CNTN4: variants seen among roughly 807,000 people sequenced by gnomAD.
CNTN4 encodes the protein contactin 4, also known as contactin-4.
CNTN4 carries 77 observed loss-of-function variants against 122.5 expected under a neutral mutation model. The ratio of observed to expected loss-of-function variants is 0.63; its 90% CI spans 0.52 to 0.76. The LOEUF (loss-of-function observed/expected upper bound fraction) is 0.76, where lower values mean the gene tolerates loss of function less well. CNTN4 is among the 30% of genes least tolerant of loss of function. The probability of loss-of-function intolerance (pLI) is 0.00; values close to 1 mark genes in which losing one functional copy is unlikely to be tolerated. For synonymous variants in CNTN4, 512 were observed against 447.0 expected (o/e 1.15, Z -1.83); for missense variants, 1,256 against 1,259.1 (o/e 1.00, Z 0.04).
chr3:2,356,531 A>C (rs962393700), intron 3 of CNTN4, among the ~76,000 whole-genome samples: 1 of 152,202 alleles, frequency 6.6e-6, no homozygotes, highest in African/African-American at 2.4e-5. Flanking sequence ...GGACAACCAG[A>C]GGTCACTCTC....
intron 3 of CNTN4, among the ~76,000 whole-genome samples, chr3:2,518,380 C>A (rs1024165279): frequency 1.3e-5 from 2 of 152,048 alleles, no homozygotes; most frequent in African/African-American, 4.8e-5. Flanking sequence ...TCAGAATGTT[C>A]ATGTAAAGTG....
At chr3:3,053,710 C>A (rs1172845103) in intron 23 of CNTN4, 97 bp from the exon 24 acceptor site, 2 of 1,249,450 alleles carry the variant, frequency 1.6e-6, no homozygotes, top group Non-Finnish European at 2.4e-6. Context: ...TACATCCCTG[C>A]ATTTTGCTCG....
intron 19 of CNTN4, 28 bp downstream of exon 19, chr3:3,039,031 G>C (rs530825636): frequency 1.9e-6 from 3 of 1,556,126 alleles, no homozygotes; most frequent in Non-Finnish European, 1.8e-6. Context: ...TAAAAGGAAC[G>C]TACACGCATC....
rs547623963 is a variant in CNTN4, at chr3:3,057,805, C to G, written c.*1585C>G. ...TCTATGTTGAAATAAAATTTAAAAT[C>G]ACATGCAAAAAAAAAATCAGCAAAA... On this transcript the variant is annotated 3_prime_UTR_variant, in exon 25 of 25. Coordinates refer to ENST00000418658, the MANE Select transcript of CNTN4 (RefSeq NM_175607.3). 213 of 151,228 alleles carry G rather than the reference C, an allele frequency of 1.4e-3. No individual in the cohort carries two copies. The highest frequency in any genetic ancestry group is 5.0e-3 in the African/African-American group (203 of 40,812). The allele number at this position is 151,228 out of a possible 1,614,324, so 9.4% of individuals were successfully genotyped here.
intron 3 of CNTN4, among the ~76,000 whole-genome samples, chr3:2,455,403 G>A (rs1559567416): frequency 6.6e-6 from 1 of 152,086 alleles, no homozygotes; most frequent in Non-Finnish European, 1.5e-5. Flanking sequence ...TATAAATAAA[G>A]TGCTGAAAGT....
intron 2 of CNTN4, among the ~76,000 whole-genome samples, chr3:2,234,038 C>A (rs1419236405): frequency 6.6e-6 from 1 of 152,044 alleles, no homozygotes; most frequent in Non-Finnish European, 1.5e-5. Flanking sequence ...AGTAATTTTT[C>A]CTTGTTTTCA....
intron 2 of CNTN4, among the ~76,000 whole-genome samples, chr3:2,288,942 A>G (rs2042038629): frequency 1.3e-5 from 2 of 152,174 alleles, no homozygotes; most frequent in Admixed American, 6.5e-5. Context: ...GGCATTTTAT[A>G]TGAGTATTAA....
rs35576083 is a variant in CNTN4, at chr3:2,533,131, CT to C, written c.-88-38271del. On this transcript the variant is annotated intron_variant, in intron 3 of 24. Coordinates refer to ENST00000418658, the MANE Select transcript of CNTN4 (RefSeq NM_175607.3). ...AAATGTAGAAGACAGATTGATTCTT[CT>C]TTTTTTTTTTTTTAATTATACTTTA... Among the ~76,000 whole-genome samples, 1,019 of 137,332 alleles carry C rather than the reference CT, an allele frequency of 7.4e-3. 5 individuals carry two copies. Among genetic ancestry groups the C allele is most frequent in the East Asian group, 0.018 (84 of 4,658 alleles). 90.1% of individuals were successfully genotyped at this position (137,332 alleles called of 152,430 possible).
chr3:2,229,309 A>G (rs944478156), intron 2 of CNTN4, among the ~76,000 whole-genome samples: 15 of 152,160 alleles, frequency 9.9e-5, no homozygotes, highest in African/African-American at 3.4e-4. Flanking sequence ...GAGGTCCAAT[A>G]TATAATATAC....
At chr3:2,794,101 C>G (rs1245019388) in intron 6 of CNTN4, among the ~76,000 whole-genome samples, 2 of 152,124 alleles carry the variant, frequency 1.3e-5, no homozygotes, top group Non-Finnish European at 2.9e-5. Flanking sequence ...GCATGCTTTC[C>G]TGTTCATTCA....
At chr3:2,785,245 A>T (rs2091767058) in intron 6 of CNTN4, among the ~76,000 whole-genome samples, 1 of 152,170 alleles carries the variant, frequency 6.6e-6, no homozygotes, top group Admixed American at 6.5e-5. Context: ...GTAGAAACCT[A>T]GGAAAGCTGG....
intron 2 of CNTN4, among the ~76,000 whole-genome samples, chr3:2,121,210 T>G (rs998390079): frequency 1.3e-5 from 2 of 152,072 alleles, no homozygotes; most frequent in Non-Finnish European, 2.9e-5. Flanking sequence ...ATGGTGAATA[T>G]ATCATTTCAG....
At chr3:2,183,149 C>A (rs1429622330) in intron 2 of CNTN4, among the ~76,000 whole-genome samples, 2 of 152,134 alleles carry the variant, frequency 1.3e-5, no homozygotes, top group Non-Finnish European at 2.9e-5. Flanking sequence ...TAACATTTGA[C>A]TGGATCTCTC....
rs577635687 is a variant in CNTN4 at position 2,776,368 on chromosome 3, G to A, written c.358+30671G>A. On this transcript the variant is annotated intron_variant, in intron 6 of 24. Transcript: ENST00000418658. ...AGGTATATTTAATATTCCACATGAA[G>A]GATGTAATAGTCAAAGGGTCTGTTG... is the stretch of plus-strand genomic sequence containing the variant. Among the ~76,000 whole-genome samples, 3 of 150,428 alleles carry A rather than the reference G, an allele frequency of 2.0e-5. No homozygotes were observed. The East Asian group carries it at 5.9e-4, about 30-fold the overall frequency.
intron 2 of CNTN4, among the ~76,000 whole-genome samples, chr3:2,124,658 C>A (rs1241885346): frequency 6.6e-6 from 1 of 152,008 alleles, no homozygotes; most frequent in Non-Finnish European, 1.5e-5. Context: ...ACTGTGATCC[C>A]AGCTACATGG....
At chr3:2,663,435 G>C (rs59913734) in intron 4 of CNTN4, among the ~76,000 whole-genome samples, 2,667 of 152,224 alleles carry the variant, frequency 0.018, 71 homozygotes, top group African/African-American at 0.061. Context: ...TGGCTAGTTA[G>C]ATATTGTTCT....
intron 13 of CNTN4, among the ~76,000 whole-genome samples, chr3:2,962,495 C>A (rs1280608763): frequency 3.3e-5 from 5 of 152,196 alleles, no homozygotes; most frequent in Admixed American, 6.5e-5. Context: ...ACTTAGAAAA[C>A]CCCTGGAAGA....
chr3:2,959,630 T>A (rs2094833438), intron 13 of CNTN4, among the ~76,000 whole-genome samples: 1 of 152,084 alleles, frequency 6.6e-6, no homozygotes, highest in Non-Finnish European at 1.5e-5. Context: ...TTGAGAAATC[T>A]GTTTTTTTAT....
At position 2,261,170 on chromosome 3, in the gene CNTN4, G is replaced by A. The variant is rs116390589; in HGVS notation, c.-144-78008G>A. ...AAAATTCCTAATTTTTTTTTCCCAC[G>A]TAGTTTATTGCATACTATTCTTATT... On this transcript the variant is annotated intron_variant, in intron 2 of 24. Coordinates refer to ENST00000418658, the MANE Select transcript of CNTN4 (RefSeq NM_175607.3). Among the ~76,000 whole-genome samples the A allele has an allele frequency of 3.0e-3, 449 of 151,690 alleles. 1 individual carries two copies. The highest frequency in any genetic ancestry group is 6.9e-3 in the Admixed American group (106 of 15,262).
Sources: gnomAD v4.1 joint callset for allele counts (sites outside exome capture counted in the v4.1 genomes callset) on GRCh38, gnomAD v4.1.1 for gene constraint, MANE v1.5 for transcripts, NCBI Gene and HGNC (gene_info 2026-07-23, HGNC 2026-07-21) for gene names.